Variants in FTO observed in about 807,000 individuals in gnomAD.
FTO encodes the protein FTO alpha-ketoglutarate dependent dioxygenase.
FTO carries 47 observed loss-of-function variants against 63.9 expected under a neutral mutation model. The ratio of observed to expected loss-of-function variants is 0.74; its 90% CI spans 0.58 to 0.94. The LOEUF is 0.94. FTO is among the 40% of genes least tolerant of loss of function. The pLI is 0.00. For synonymous variants in FTO, 207 were observed against 224.4 expected (o/e 0.92, Z 0.69); for missense variants, 562 against 618.1 (o/e 0.91, Z 0.96).
At chr16:53,709,547 T>A (rs2151461071) in intron 1 of FTO, among the ~76,000 whole-genome samples, 1 of 152,206 alleles carries the variant, frequency 6.6e-6, no homozygotes, top group Non-Finnish European at 1.5e-5. Context: ...AGGGGTAGAG[T>A]AGCATGCCCT....
At chr16:53,810,254 G>A (rs112339041) in intron 2 of FTO, 37 bp downstream of exon 2, 21 of 1,392,538 alleles carry the variant, frequency 1.5e-5, no homozygotes, top group African/African-American at 1.3e-4. Context: ...TTTCAGTGAT[G>A]TGTTCTGATC....
chr16:53,908,308 A>T (rs1320141931), intron 7 of FTO, among the ~76,000 whole-genome samples: 1 of 152,210 alleles, frequency 6.6e-6, no homozygotes, highest in East Asian at 1.9e-4. Flanking sequence ...TTGTCTAGTT[A>T]TTAACAAATG....
At chr16:53,933,744 C>G (rs1012856563) in intron 7 of FTO, among the ~76,000 whole-genome samples, 1 of 152,054 alleles carries the variant, frequency 6.6e-6, no homozygotes, top group Non-Finnish European at 1.5e-5. Context: ...AGTAAGAATG[C>G]GCAGTATCTT....
intron 3 of FTO, among the ~76,000 whole-genome samples, chr16:53,839,193 T>C (rs1415809352): frequency 6.6e-6 from 1 of 152,256 alleles, no homozygotes; most frequent in Non-Finnish European, 1.5e-5. Flanking sequence ...TTTTGTATGT[T>C]GTCACATCTT....
At chr16:54,036,486 A>C (rs1215213803) in intron 8 of FTO, among the ~76,000 whole-genome samples, 6 of 152,206 alleles carry the variant, frequency 3.9e-5, no homozygotes, top group Non-Finnish European at 7.3e-5. Flanking sequence ...CAAAACTCAA[A>C]ACCTTGAGGT....
At chr16:53,909,962 C>T (rs1000704113) in intron 7 of FTO, among the ~76,000 whole-genome samples, 2 of 152,072 alleles carry the variant, frequency 1.3e-5, no homozygotes, top group African/African-American at 2.4e-5. Flanking sequence ...ACTGCAGCCT[C>T]GAACTCCTGG....
At chr16:53,845,438 T>C (rs1311434407) in intron 4 of FTO, among the ~76,000 whole-genome samples, 2 of 152,228 alleles carry the variant, frequency 1.3e-5, no homozygotes, top group Admixed American at 6.5e-5. Context: ...GAGTACAGAA[T>C]AGCTCTTTAG....
At chr16:53,812,248 T>G (rs1435863380) in intron 2 of FTO, among the ~76,000 whole-genome samples, 2 of 152,112 alleles carry the variant, frequency 1.3e-5, no homozygotes, top group Non-Finnish European at 2.9e-5. Context: ...ATCTATACCT[T>G]TATCAGCACT....
chr16:53,794,946 CAAT>C (rs1439288663), intron 1 of FTO, among the ~76,000 whole-genome samples: 2 of 152,064 alleles, frequency 1.3e-5, no homozygotes, highest in African/African-American at 4.8e-5. Context: ...ACAAAATCAA[CAAT>C]GAGAACAAAA....
At chr16:54,084,722 T>C (rs1567561919) in intron 8 of FTO, among the ~76,000 whole-genome samples, 2 of 152,082 alleles carry the variant, frequency 1.3e-5, no homozygotes, top group Non-Finnish European at 2.9e-5. Flanking sequence ...GGAGAAGCCA[T>C]TTGTATCCCA....
At chr16:53,718,156 T>C (rs917043314) in intron 1 of FTO, among the ~76,000 whole-genome samples, 1 of 152,142 alleles carries the variant, frequency 6.6e-6, no homozygotes. Flanking sequence ...TCAATAATTA[T>C]CTGTCTCTAC....
At chr16:53,722,469 AAC>A (rs1422984407) in intron 1 of FTO, among the ~76,000 whole-genome samples, 2 of 152,040 alleles carry the variant, frequency 1.3e-5, no homozygotes, top group African/African-American at 4.8e-5. Context: ...TACTTTACTG[AAC>A]AGTTATTTAA....
intron 1 of FTO, among the ~76,000 whole-genome samples, chr16:53,777,616 TG>T (rs561955377): frequency 1.9e-4 from 29 of 152,326 alleles, no homozygotes; most frequent in Admixed American, 6.5e-5. Flanking sequence ...ATCTTCCAAA[TG>T]TTGATGCATT....
Position 54,021,479 on chromosome 16 carries a change from A to ATTGT in FTO, c.1364+87393_1364+87396dup, listed in dbSNP as rs10527841. ...TTACAAGGAATTTTTGGGTGGTTTT[A>ATTGT]TTGTTTGTTTGTTTGTTTGTTTGTT... On this transcript the variant is annotated intron_variant, in intron 8 of 8. Coordinates refer to ENST00000471389, the MANE Select transcript of FTO (RefSeq NM_001080432.3). Among the ~76,000 whole-genome samples the ATTGT allele has an allele frequency of 1.6e-3, 239 of 151,350 alleles. No individual in the cohort carries two copies. In the East Asian group the frequency reaches 0.019, roughly 12 times the overall value.
At chr16:53,914,625 C>A (rs2081812870) in intron 7 of FTO, among the ~76,000 whole-genome samples, 3 of 152,096 alleles carry the variant, frequency 2.0e-5, no homozygotes, top group Non-Finnish European at 2.9e-5. Context: ...CGTAAAATCT[C>A]ATTACTGGAA....
intron 8 of FTO, among the ~76,000 whole-genome samples, chr16:54,072,821 C>G (rs899857072): frequency 2.0e-5 from 3 of 152,142 alleles, no homozygotes; most frequent in Admixed American, 1.3e-4. Flanking sequence ...CCCTCTGACT[C>G]GGTCAGAAAG....
chr16:53,749,441 C>CTT (rs748023558), intron 1 of FTO, among the ~76,000 whole-genome samples: 14 of 140,190 alleles, frequency 1.0e-4, no homozygotes, highest in Non-Finnish European at 1.7e-4. Flanking sequence ...TTCTTTTTTT[C>CTT]TTTTTTTTTT....
intron 8 of FTO, among the ~76,000 whole-genome samples, chr16:53,958,126 A>G (rs1252944101): frequency 2.0e-5 from 3 of 152,234 alleles, no homozygotes; most frequent in Non-Finnish European, 2.9e-5. Context: ...AAGTAGGTCA[A>G]TCCATTCCTT....
intron 8 of FTO, among the ~76,000 whole-genome samples, chr16:54,073,899 C>T (rs748586962): frequency 8.6e-5 from 13 of 151,890 alleles, no homozygotes; most frequent in African/African-American, 1.9e-4. Context: ...AATTCAGGGC[C>T]GATTTGTGTT....
Sources: gnomAD v4.1 joint callset for allele counts (sites outside exome capture counted in the v4.1 genomes callset) on GRCh38, gnomAD v4.1.1 for gene constraint, MANE v1.5 for transcripts, NCBI Gene and HGNC (gene_info 2026-07-23, HGNC 2026-07-21) for gene names.